Variants in TXNDC16 observed in about 807,000 individuals in gnomAD.
TXNDC16 encodes thioredoxin domain containing 16.
Under a neutral mutation model 85.6 loss-of-function variants are expected in TXNDC16, and 74 were observed. The observed-to-expected ratio is 0.86, with a 90% CI of 0.72 to 1.05. The LOEUF (loss-of-function observed/expected upper bound fraction) is 1.05, where lower values mean the gene tolerates loss of function less well. Among genes scored for constraint, TXNDC16 ranks in the 50% least tolerant of loss-of-function variants. The pLI is 0.00. For synonymous variants in TXNDC16, 335 were observed against 326.5 expected (o/e 1.03, Z -0.28); for missense variants, 959 against 947.0 (o/e 1.01, Z -0.17).
At chr14:52,528,799 C>T (rs965595094) in intron 6 of TXNDC16, among the ~76,000 whole-genome samples, 2 of 147,316 alleles carry the variant, frequency 1.4e-5, no homozygotes, top group African/African-American at 2.5e-5. Flanking sequence ...AAAAATCAAT[C>T]TTTCATATAC....
intron 6 of TXNDC16, among the ~76,000 whole-genome samples, chr14:52,520,566 C>A (rs1014060515): frequency 6.6e-6 from 1 of 152,022 alleles, no homozygotes; most frequent in Non-Finnish European, 1.5e-5. Flanking sequence ...GCTGAGATCA[C>A]GCCACTGCAC....
rs114712071 is a variant in TXNDC16, at chr14:52,435,826, A to C, written c.2195-3239T>G. Among the ~76,000 whole-genome samples the C allele has an allele frequency of 5.1e-3, 782 of 151,942 alleles. 4 individuals carry two copies. The highest frequency in any genetic ancestry group is 0.018 in the African/African-American group (752 of 41,426). Reference sequence around the variant, plus strand: ...AACAAAAACAAAGACAAAAACAAAAAAATGAAGCCAGGCTTGGTGGTGCAT... The same window carrying C: ...AACAAAAACAAAGACAAAAACAAAACAATGAAGCCAGGCTTGGTGGTGCAT... On this transcript the variant is annotated intron_variant, in intron 20 of 20. Transcript: ENST00000281741.
chr14:52,505,315 T>C (rs1351183132), intron 9 of TXNDC16, among the ~76,000 whole-genome samples: 1 of 152,188 alleles, frequency 6.6e-6, no homozygotes, highest in African/African-American at 2.4e-5. Flanking sequence ...GACCACATAG[T>C]TGGAAGTAAA....
At chr14:52,521,928 G>A (rs972587722) in intron 6 of TXNDC16, among the ~76,000 whole-genome samples, 1 of 152,140 alleles carries the variant, frequency 6.6e-6, no homozygotes, top group Non-Finnish European at 1.5e-5. Flanking sequence ...TGACACCAAG[G>A]CCAGGATTTT....
intron 9 of TXNDC16, among the ~76,000 whole-genome samples, chr14:52,491,473 C>T (rs2036405757): frequency 6.6e-6 from 1 of 150,716 alleles, no homozygotes; most frequent in Admixed American, 6.7e-5. Context: ...GATGGGATTA[C>T]AGGCATGAGC....
rs1020325075 is a variant in TXNDC16 at position 52,450,373 on chromosome 14, T to C, written c.1842+4951A>G. Among the ~76,000 whole-genome samples the C allele has an allele frequency of 2.7e-5, 4 of 150,562 alleles. No homozygotes were observed. In the South Asian group the frequency reaches 6.2e-4, roughly 24 times the overall value. On this transcript the variant is annotated intron_variant, in intron 18 of 20. Coordinates refer to ENST00000281741, the MANE Select transcript of TXNDC16 (RefSeq NM_020784.3). The stretch of plus-strand genomic sequence containing the variant: ...CTTAGACACATACAACCAACCAAGA[T>C]TGAACCATGAAGAAATTCAAAACCT...
chr14:52,432,305 T>C lies in TXNDC16; in HGVS notation c.2477A>G (p.Ter826=), dbSNP rs774423036. The C allele has an allele frequency of 6.3e-7, 1 of 1,597,632 alleles. No homozygotes were observed. The highest frequency in any genetic ancestry group is 1.1e-5 in the South Asian group (1 of 88,082). The change falls in exon 21 of 21, where the codon TAA becomes TGA. Residue 826 remains the stop codon, a stop_retained_variant. Transcript: ENST00000281741. The part of the protein sequence containing the change: ...DKELGCSKVN[*] ...TTTGGAAACCACAGCCCTATAAAAT[T>C]AGTTCACTTTTGAGCATCCTAACTC... is the stretch of plus-strand genomic sequence containing the variant.
rs1265502033 is a variant in TXNDC16 at position 52,470,526 on chromosome 14, TAGG to T, written c.1464_1466del (p.Leu489del). On this transcript the variant is annotated inframe_deletion, in exon 15 of 21. Coordinates refer to ENST00000281741, the MANE Select transcript of TXNDC16 (RefSeq NM_020784.3). The stretch of plus-strand genomic sequence containing the variant: ...TGAATACTTACAGCTGGATAAATTT[TAGG>T]AGATCTTCGGTTCCTAACATTCCAG... 1.9e-6 allele frequency: 3 copies of T among 1,612,806 alleles called. No homozygotes were observed. The highest frequency in any genetic ancestry group is 2.7e-5 in the African/African-American group (2 of 74,978).
Position 52,432,367 on chromosome 14 carries a change from C to T in TXNDC16, c.2415G>A (p.Trp805Ter), listed in dbSNP as rs751449894. ...LRIKHWNRSN[W>*]FKEAEKSFRR... ...TAAATGATTTTTCTGCTTCTTTAAACCAATTACTTCTATTCCAATGCTTTA... is the reference window on the plus strand; with the variant it reads ...TAAATGATTTTTCTGCTTCTTTAAATCAATTACTTCTATTCCAATGCTTTA... Residue 805 changes from tryptophan to a stop codon, truncating the protein, a stop_gained, in exon 21 of 21, where the codon TGG becomes TGA. Coordinates refer to ENST00000281741, the MANE Select transcript of TXNDC16 (RefSeq NM_020784.3). LOFTEE classifies it low-confidence loss of function (END_TRUNC). 2 of 1,613,778 alleles carry T rather than the reference C, an allele frequency of 1.2e-6. No homozygotes were observed. Among genetic ancestry groups the T allele is most frequent in the South Asian group, 1.1e-5 (1 of 91,030 alleles).
At chr14:52,506,807 C>G (rs1389421920) in intron 9 of TXNDC16, among the ~76,000 whole-genome samples, 1 of 147,304 alleles carries the variant, frequency 6.8e-6, no homozygotes, top group Non-Finnish European at 1.5e-5. Flanking sequence ...CCACCCGCCT[C>G]GGCCTCCCAA....
chr14:52,529,478 A>G lies in TXNDC16; in HGVS notation c.392+7241T>C, dbSNP rs1264006174. Among the ~76,000 whole-genome samples, 6 of 126,942 alleles carry G rather than the reference A, an allele frequency of 4.7e-5. No individual in the cohort carries two copies. The South Asian group carries it at 1.5e-3, about 32-fold the overall frequency. The allele number at this position is 126,942 out of a possible 152,430, so 83.3% of individuals were successfully genotyped here. On this transcript the variant is annotated intron_variant, in intron 6 of 20. Coordinates refer to ENST00000281741, the MANE Select transcript of TXNDC16 (RefSeq NM_020784.3). ...CCTAAAACTTTAACTATAATAATAAAAAGAAAAAATACCTACTATATATTA... is the reference window on the plus strand; with the variant it reads ...CCTAAAACTTTAACTATAATAATAAGAAGAAAAAATACCTACTATATATTA...
At chr14:52,476,041 G>C (rs1485074868) in intron 14 of TXNDC16, among the ~76,000 whole-genome samples, 1 of 152,144 alleles carries the variant, frequency 6.6e-6, no homozygotes, top group Non-Finnish European at 1.5e-5. Context: ...CCTGGAGCCT[G>C]GTAGACTTGC....
chr14:52,445,945 A>C (rs2035272729), intron 18 of TXNDC16, among the ~76,000 whole-genome samples: 1 of 152,246 alleles, frequency 6.6e-6, no homozygotes, highest in South Asian at 2.1e-4. Flanking sequence ...CATAAGAAAA[A>C]GCCTTTCATA....
chr14:52,534,625 C>T (rs757031154), intron 6 of TXNDC16, among the ~76,000 whole-genome samples: 2 of 152,104 alleles, frequency 1.3e-5, no homozygotes, highest in Non-Finnish European at 2.9e-5. Context: ...TTCAGGAAGC[C>T]CACTTAATAA....
chr14:52,455,184 G>T, intron 18 of TXNDC16, 140 bp downstream of exon 18: 1 of 931,922 alleles, frequency 1.1e-6, no homozygotes, highest in Non-Finnish European at 1.6e-6. Flanking sequence ...CAATAAAACA[G>T]AACAATCCAG....
intron 6 of TXNDC16, among the ~76,000 whole-genome samples, chr14:52,520,420 A>C (rs2037183006): frequency 6.6e-6 from 1 of 152,046 alleles, no homozygotes; most frequent in Admixed American, 6.6e-5. Context: ...TCAGGAGATC[A>C]AGACCACGGT....
intron 6 of TXNDC16, among the ~76,000 whole-genome samples, chr14:52,535,833 G>A (rs758753721): frequency 6.6e-6 from 1 of 151,982 alleles, no homozygotes; most frequent in Non-Finnish European, 1.5e-5. Context: ...AACCCAGCTG[G>A]GATAAGAAGA....
At chr14:52,442,381 T>C (rs993243588) in intron 18 of TXNDC16, among the ~76,000 whole-genome samples, 2 of 152,132 alleles carry the variant, frequency 1.3e-5, no homozygotes, top group African/African-American at 4.8e-5. Context: ...GAAGGAGTGA[T>C]GGTAGAATCC....
chr14:52,463,284 G>A (rs928618240), intron 16 of TXNDC16, among the ~76,000 whole-genome samples: 1 of 151,776 alleles, frequency 6.6e-6, no homozygotes, highest in African/African-American at 2.4e-5. Flanking sequence ...ACTTACCCAC[G>A]ATCCCCAGTG....
Sources: gnomAD v4.1 joint callset for allele counts (sites outside exome capture counted in the v4.1 genomes callset) on GRCh38, gnomAD v4.1.1 for gene constraint, MANE v1.5 for transcripts, NCBI Gene and HGNC (gene_info 2026-07-23, HGNC 2026-07-21) for gene names.